RALYL: variants seen among roughly 807,000 people sequenced by gnomAD.
RALYL encodes RNA-binding Raly-like protein.
Under a neutral mutation model 35.1 loss-of-function variants are expected in RALYL, and 29 were observed. The observed-to-expected ratio is 0.83, with a 90% CI of 0.61 to 1.13. The LOEUF (loss-of-function observed/expected upper bound fraction) is 1.13. RALYL is among the 50% of genes most tolerant of loss of function. RALYL has a pLI of 0.00. For missense variants in RALYL, 359 were observed against 360.4 expected (o/e 1.00, Z 0.03); for synonymous variants, 120 against 127.6 (o/e 0.94, Z 0.40).
At position 84,827,833 on chromosome 8, in the gene RALYL, C is replaced by A. The variant is rs532847844; in HGVS notation, c.366-22147C>A. Among the ~76,000 whole-genome samples, 10 of 152,038 alleles carry A rather than the reference C, an allele frequency of 6.6e-5. No homozygotes were observed. In the South Asian group the frequency reaches 8.3e-4, roughly 13 times the overall value. Reference sequence around the variant, plus strand: ...TTCCCAATTTTACCGTTAAAAAGTACGTTAGATGTCCTGCAATAATTTGTT... The same window carrying A: ...TTCCCAATTTTACCGTTAAAAAGTAAGTTAGATGTCCTGCAATAATTTGTT... On this transcript the variant is annotated intron_variant, in intron 4 of 8. Coordinates refer to ENST00000521268, the MANE Select transcript of RALYL (RefSeq NM_173848.7).
chr8:84,628,865 A>C (rs1038380630), intron 2 of RALYL, among the ~76,000 whole-genome samples: 1 of 152,102 alleles, frequency 6.6e-6, no homozygotes, highest in Non-Finnish European at 1.5e-5. Context: ...CAAAAATATT[A>C]ATGGTGAAAG....
intron 2 of RALYL, chr8:84,665,679 A>C (rs1395829783): frequency 2.6e-5 from 4 of 151,964 alleles, no homozygotes; most frequent in African/African-American, 9.6e-5. Context: ...GATTGTGTTT[A>C]TTTGAATCTT....
intron 2 of RALYL, among the ~76,000 whole-genome samples, chr8:84,728,124 C>A (rs1845368641): frequency 6.6e-6 from 1 of 151,440 alleles, no homozygotes; most frequent in South Asian, 2.1e-4. Flanking sequence ...TCCACATCCT[C>A]TCCAGCACCT....
chr8:84,426,442 G>C (rs1044611133), intron 1 of RALYL, among the ~76,000 whole-genome samples: 139 of 148,106 alleles, frequency 9.4e-4, no homozygotes, highest in Middle Eastern at 3.5e-3. Context: ...CTCTCTCTGT[G>C]TGTGTGTGTG....
chr8:84,407,001 C>CCTCTCTCTCTCTCCCT (rs2043570422), intron 1 of RALYL, among the ~76,000 whole-genome samples: 1 of 148,558 alleles, frequency 6.7e-6, no homozygotes, highest in Non-Finnish European at 1.5e-5. Context: ...TCTCTCTCTC[C>CCTCTCTCTCTCTCCCT]CTCTCTCTCT....
intron 2 of RALYL, among the ~76,000 whole-genome samples, chr8:84,633,620 C>G (rs1010393357): frequency 1.3e-5 from 2 of 151,710 alleles, no homozygotes; most frequent in Non-Finnish European, 2.9e-5. Context: ...AACAACAAAA[C>G]ATTGTAAAAG....
At chr8:84,895,953 T>C (rs73259982) in intron 8 of RALYL, among the ~76,000 whole-genome samples, 2,048 of 152,336 alleles carry the variant, frequency 0.013, 48 homozygotes, top group African/African-American at 0.047. Flanking sequence ...TATCAGCCTC[T>C]GCATAGCTGC....
At chr8:84,247,015 C>T (rs1422958841) in intron 1 of RALYL, among the ~76,000 whole-genome samples, 2 of 152,140 alleles carry the variant, frequency 1.3e-5, no homozygotes, top group Admixed American at 6.5e-5. Flanking sequence ...GCAGTCTGGC[C>T]TTCAGTGCAT....
chr8:84,633,447 G>T (rs918029590), intron 2 of RALYL, among the ~76,000 whole-genome samples: 4 of 151,774 alleles, frequency 2.6e-5, no homozygotes, highest in Non-Finnish European at 5.9e-5. Flanking sequence ...ACACATTTTT[G>T]TATTTATTTG....
chr8:84,566,571 T>C (rs2061797856), intron 2 of RALYL, among the ~76,000 whole-genome samples: 1 of 151,618 alleles, frequency 6.6e-6, no homozygotes, highest in South Asian at 2.1e-4. Flanking sequence ...GTATATTGAC[T>C]CTGGATGTCT....
chr8:84,757,051 A>C (rs1402271951), intron 2 of RALYL, among the ~76,000 whole-genome samples: 2 of 152,164 alleles, frequency 1.3e-5, no homozygotes, highest in African/African-American at 2.4e-5. Flanking sequence ...TAACAAGAAG[A>C]ATTTGAATTA....
At chr8:84,194,350 T>C (rs1252428570) in intron 1 of RALYL, among the ~76,000 whole-genome samples, 1 of 152,154 alleles carries the variant, frequency 6.6e-6, no homozygotes. Context: ...AAACAGATTT[T>C]TTTTTTTCAT....
chr8:84,523,210 G>A (rs777698561), intron 1 of RALYL, among the ~76,000 whole-genome samples: 5 of 151,826 alleles, frequency 3.3e-5, no homozygotes, highest in Admixed American at 1.3e-4. Context: ...CAATCATGGC[G>A]GAAGGTGAAT....
chr8:84,622,142 T>C (rs1295278280), intron 2 of RALYL, among the ~76,000 whole-genome samples: 2 of 152,112 alleles, frequency 1.3e-5, no homozygotes, highest in South Asian at 2.1e-4. Context: ...ACAAACATAG[T>C]AGTGAATGAA....
chr8:84,671,127 G>A (rs1455884817), intron 2 of RALYL, among the ~76,000 whole-genome samples: 1 of 152,142 alleles, frequency 6.6e-6, no homozygotes, highest in Non-Finnish European at 1.5e-5. Context: ...CCAAAATCCA[G>A]CAGGGCAGTC....
At chr8:84,345,512 G>A (rs1849678680) in intron 1 of RALYL, among the ~76,000 whole-genome samples, 1 of 152,010 alleles carries the variant, frequency 6.6e-6, no homozygotes, top group Non-Finnish European at 1.5e-5. Flanking sequence ...TTAGATACAT[G>A]AGTCTTTTTA....
intron 2 of RALYL, among the ~76,000 whole-genome samples, chr8:84,658,056 T>C (rs1830273457): frequency 6.6e-6 from 1 of 152,094 alleles, no homozygotes; most frequent in Non-Finnish European, 1.5e-5. Flanking sequence ...CCATGTGCAA[T>C]GAAAGTTTTC....
intron 2 of RALYL, among the ~76,000 whole-genome samples, chr8:84,683,099 A>G (rs550800904): frequency 1.2e-4 from 18 of 152,248 alleles, no homozygotes; most frequent in Non-Finnish European, 8.8e-5. Flanking sequence ...TTTGTTATGT[A>G]CCCAGTAGTC....
intron 2 of RALYL, among the ~76,000 whole-genome samples, chr8:84,590,759 A>G (rs1359450818): frequency 6.6e-6 from 1 of 152,148 alleles, no homozygotes; most frequent in Non-Finnish European, 1.5e-5. Context: ...CTGTATAACT[A>G]TGTCGGGAAA....
Sources: allele counts gnomAD v4.1 joint callset (sites outside exome capture counted in the v4.1 genomes callset), GRCh38; gene constraint gnomAD v4.1.1; transcripts MANE v1.5; gene names NCBI Gene and HGNC (gene_info 2026-07-23, HGNC 2026-07-21).